Variants in SGCZ observed in about 807,000 individuals in gnomAD.
The protein encoded by SGCZ is zeta-sarcoglycan.
Under a neutral mutation model 41.3 loss-of-function variants are expected in SGCZ, and 40 were observed. That is an observed-to-expected ratio of 0.97 (90% CI 0.75 to 1.26). The LOEUF is 1.26. Ranked by LOEUF, SGCZ falls within the 50% of genes most tolerant of loss-of-function variation. The pLI is 0.00. For missense variants in SGCZ, 552 were observed against 369.8 expected (o/e 1.49, Z -4.04); for synonymous variants, 206 against 137.5 (o/e 1.50, Z -3.49).
intron 1 of SGCZ, among the ~76,000 whole-genome samples, chr8:14,687,365 T>C (rs1470344057): frequency 2.8e-5 from 4 of 141,148 alleles, no homozygotes; most frequent in African/African-American, 7.4e-5. Context: ...CCACAACAGT[T>C]CCCAGAGTGT....
chr8:14,743,719 C>A (rs929865480), intron 1 of SGCZ, among the ~76,000 whole-genome samples: 1 of 151,936 alleles, frequency 6.6e-6, no homozygotes, highest in East Asian at 1.9e-4. Flanking sequence ...ATATCTTGGG[C>A]AAATATTTTT....
At chr8:14,478,076 T>G (rs1801411990) in intron 2 of SGCZ, among the ~76,000 whole-genome samples, 2 of 152,236 alleles carry the variant, frequency 1.3e-5, no homozygotes, top group Non-Finnish European at 2.9e-5. Flanking sequence ...CTGGACAATG[T>G]GCATCCTCAT....
At chr8:14,327,734 T>C (rs1015266224) in intron 2 of SGCZ, among the ~76,000 whole-genome samples, 2 of 152,200 alleles carry the variant, frequency 1.3e-5, no homozygotes, top group Non-Finnish European at 1.5e-5. Flanking sequence ...CCATCACATT[T>C]CATTTAAATT....
At chr8:14,709,754 T>C (rs1263391091) in intron 1 of SGCZ, among the ~76,000 whole-genome samples, 1 of 152,174 alleles carries the variant, frequency 6.6e-6, no homozygotes, top group Non-Finnish European at 1.5e-5. Flanking sequence ...AACCATCCAT[T>C]CTGGTACATT....
chr8:14,551,617 CATAAAATATATATATTATATATAT>C (rs1232808024), intron 2 of SGCZ, among the ~76,000 whole-genome samples: 5,002 of 35,072 alleles, frequency 0.14, 749 homozygotes, highest in African/African-American at 0.35. Flanking sequence ...TATATATATA[CATAAAATATATATATTATATATAT>C]ATAAAATATA....
At chr8:15,040,728 TA>T (rs1435748631) in intron 1 of SGCZ, among the ~76,000 whole-genome samples, 1 of 152,174 alleles carries the variant, frequency 6.6e-6, no homozygotes, top group East Asian at 1.9e-4. Context: ...TGTTTTCCAA[TA>T]AAAAGGGCTA....
chr8:14,524,326 G>A (rs370349933), intron 2 of SGCZ, among the ~76,000 whole-genome samples: 4 of 152,058 alleles, frequency 2.6e-5, no homozygotes, highest in African/African-American at 9.6e-5. Flanking sequence ...GAAACCCGAG[G>A]CAAAGTTCTC....
chr8:15,118,600 G>C (rs1211118548), intron 1 of SGCZ, among the ~76,000 whole-genome samples: 2 of 152,126 alleles, frequency 1.3e-5, no homozygotes, highest in African/African-American at 4.8e-5. Flanking sequence ...TGAATGGGTA[G>C]TTCAAAGGGT....
At chr8:14,224,765 A>G (rs1345533676) in intron 4 of SGCZ, among the ~76,000 whole-genome samples, 1 of 152,158 alleles carries the variant, frequency 6.6e-6, no homozygotes, top group East Asian at 1.9e-4. Flanking sequence ...ATTTAAGATC[A>G]TATTCATCAT....
At chr8:15,035,527 T>A (rs540122169) in intron 1 of SGCZ, among the ~76,000 whole-genome samples, 52 of 152,256 alleles carry the variant, frequency 3.4e-4, no homozygotes, top group African/African-American at 1.2e-3. Flanking sequence ...TGTAACTGGA[T>A]TGTATTCTCT....
chr8:15,172,154 GTTTTTTT>G (rs1183210302), intron 1 of SGCZ, among the ~76,000 whole-genome samples: 1 of 71,774 alleles, frequency 1.4e-5, no homozygotes, highest in African/African-American at 5.1e-5. Flanking sequence ...TTTATACTCT[GTTTTTTT>G]TTTTTTTTTT....
At chr8:14,095,659 T>C (rs1801820816) in intron 7 of SGCZ, among the ~76,000 whole-genome samples, 3 of 152,202 alleles carry the variant, frequency 2.0e-5, no homozygotes, top group Admixed American at 2.0e-4. Flanking sequence ...GGCAGCTTGA[T>C]GGGGATAGCA....
intron 5 of SGCZ, among the ~76,000 whole-genome samples, chr8:14,145,229 G>C (rs1424722128): frequency 6.6e-6 from 1 of 152,146 alleles, no homozygotes; most frequent in Non-Finnish European, 1.5e-5. Flanking sequence ...TCAGGACAGA[G>C]AGAATCTTTT....
chr8:14,363,126 A>G (rs1377028935), intron 2 of SGCZ, among the ~76,000 whole-genome samples: 1 of 152,188 alleles, frequency 6.6e-6, no homozygotes, highest in Non-Finnish European at 1.5e-5. Context: ...ATGCAAAATC[A>G]TCCTTTGCCT....
chr8:14,763,097 TG>T (rs1004075256), intron 1 of SGCZ, among the ~76,000 whole-genome samples: 1 of 152,200 alleles, frequency 6.6e-6, no homozygotes, highest in Non-Finnish European at 1.5e-5. Flanking sequence ...TGTTTGTTGC[TG>T]GTGTTTCCTA....
intron 1 of SGCZ, among the ~76,000 whole-genome samples, chr8:15,153,619 C>G (rs559520284): frequency 5.3e-5 from 8 of 152,092 alleles, no homozygotes; most frequent in African/African-American, 1.7e-4. Flanking sequence ...TAAGTGAGCT[C>G]TCGCTCTGAG....
At chr8:14,250,734 A>C (rs1799253795) in intron 3 of SGCZ, among the ~76,000 whole-genome samples, 1 of 152,156 alleles carries the variant, frequency 6.6e-6, no homozygotes. Context: ...GACCTGACAG[A>C]ACAGCCCTTG....
chr8:14,123,888 G>T (rs1236225512), intron 5 of SGCZ, among the ~76,000 whole-genome samples: 1 of 152,064 alleles, frequency 6.6e-6, no homozygotes, highest in East Asian at 1.9e-4. Flanking sequence ...TCTAGGAGGA[G>T]CCAAAATAAT....
At chr8:14,287,636 T>C (rs958878445) in intron 3 of SGCZ, among the ~76,000 whole-genome samples, 17 of 152,100 alleles carry the variant, frequency 1.1e-4, no homozygotes, top group Non-Finnish European at 1.2e-4. Flanking sequence ...CTCTTTGACA[T>C]GTTTATTTTT....
Sources: gnomAD v4.1 joint callset for allele counts (sites outside exome capture counted in the v4.1 genomes callset) on GRCh38, gnomAD v4.1.1 for gene constraint, MANE v1.5 for transcripts, NCBI Gene and HGNC (gene_info 2026-07-23, HGNC 2026-07-21) for gene names.